The following CORIN variants were observed in gnomAD, a reference collection of about 807,000 sequenced individuals.
CORIN encodes atrial natriuretic peptide-converting enzyme.
CORIN carries 117 observed loss-of-function variants against 125.3 expected under a neutral mutation model. That is an observed-to-expected ratio of 0.93 (90% CI 0.80 to 1.09). CORIN has a LOEUF of 1.09. Among genes scored for constraint, CORIN ranks in the 50% least tolerant of loss-of-function variants. CORIN has a pLI of 0.00. For missense variants in CORIN, 1,253 were observed against 1,306.7 expected (o/e 0.96, Z 0.63); for synonymous variants, 450 against 466.4 (o/e 0.96, Z 0.45).
chr4:47,652,494 A>T (rs1176232241), intron 13 of CORIN, among the ~76,000 whole-genome samples: 2 of 152,240 alleles, frequency 1.3e-5, no homozygotes, highest in African/African-American at 4.8e-5. Flanking sequence ...CTAAATAATC[A>T]TAACCAAACA....
intron 5 of CORIN, among the ~76,000 whole-genome samples, chr4:47,694,424 T>A (rs1725895993): frequency 6.6e-6 from 1 of 151,988 alleles, no homozygotes; most frequent in African/African-American, 2.4e-5. Flanking sequence ...CCTTCAAAAA[T>A]CTCCTTCTGT....
chr4:47,683,509 CT>C (rs1560504158), intron 7 of CORIN: 4 of 412,510 alleles, frequency 9.7e-6, no homozygotes, highest in Admixed American at 8.4e-5. Flanking sequence ...TCCCATCCCA[CT>C]TCTTAAACAT....
chr4:47,654,886 G>A (rs1378914853), intron 12 of CORIN, among the ~76,000 whole-genome samples: 8 of 149,452 alleles, frequency 5.4e-5, no homozygotes, highest in Non-Finnish European at 1.2e-4. Flanking sequence ...GGCAGGCACA[G>A]CTCACAGCTC....
rs1279808554 is a variant in CORIN, at chr4:47,630,355, A to G, written c.2199-3834T>C. On this transcript the variant is annotated intron_variant, in intron 16 of 21. Transcript: ENST00000273857. The stretch of plus-strand genomic sequence containing the variant: ...TTACGTAAAAGGTGGCTGGAACTTA[A>G]GAGCTGCTCAAATTTTGTTTGATGA... 2.6e-5 allele frequency among the ~76,000 whole-genome samples: 4 copies of G among 152,366 alleles called. No individual in the cohort carries two copies. The East Asian group carries it at 7.7e-4, about 29-fold the overall frequency.
At position 47,773,663 on chromosome 4, in the gene CORIN, T is replaced by C. The variant is rs368961494; in HGVS notation, c.410-10077A>G. ...GAATAAGATCGTAAGGAAAGGCATG[T>C]TCTACATACTCAAAAGGAAACATTT... On this transcript the variant is annotated intron_variant, in intron 3 of 21. Transcript: ENST00000273857. Among the ~76,000 whole-genome samples the C allele has an allele frequency of 1.1e-4, 16 of 152,268 alleles. 1 individual carries two copies. Among genetic ancestry groups the C allele is most frequent in the African/African-American group, 3.4e-4 (14 of 41,584 alleles).
chr4:47,833,399 A>C (rs774040450), intron 1 of CORIN, among the ~76,000 whole-genome samples: 4 of 152,174 alleles, frequency 2.6e-5, no homozygotes, highest in African/African-American at 4.8e-5. Flanking sequence ...AAATCAAGTT[A>C]AAATGGATTA....
chr4:47,627,285 A>C (rs1169774471), intron 16 of CORIN, among the ~76,000 whole-genome samples: 1 of 152,156 alleles, frequency 6.6e-6, no homozygotes, highest in Non-Finnish European at 1.5e-5. Flanking sequence ...ACCTGGCCTC[A>C]TCTGATTATT....
intron 1 of CORIN, among the ~76,000 whole-genome samples, chr4:47,829,566 G>T (rs1299433812): frequency 1.3e-5 from 2 of 152,226 alleles, no homozygotes; most frequent in East Asian, 3.8e-4. Flanking sequence ...AGTCAGAAGT[G>T]CAGGTGGCCC....
At chr4:47,724,126 G>A (rs561175007) in intron 5 of CORIN, among the ~76,000 whole-genome samples, 2 of 152,116 alleles carry the variant, frequency 1.3e-5, no homozygotes, top group African/African-American at 2.4e-5. Context: ...TAAAGCAGCT[G>A]TAATAACCAT....
At chr4:47,648,827 C>A (rs990386307) in intron 13 of CORIN, among the ~76,000 whole-genome samples, 2 of 152,182 alleles carry the variant, frequency 1.3e-5, no homozygotes, top group African/African-American at 4.8e-5. Context: ...ATCCAGCCAT[C>A]CTGGACCAGT....
chr4:47,616,090 A>T (rs1722058171), intron 19 of CORIN, among the ~76,000 whole-genome samples: 1 of 152,192 alleles, frequency 6.6e-6, no homozygotes, highest in East Asian at 1.9e-4. Flanking sequence ...TAGGTCACAT[A>T]AAGTAAGATG....
At chr4:47,643,111 G>C (rs1385236864) in intron 15 of CORIN, 35 bp downstream of exon 15, 1 of 1,613,942 alleles carries the variant, frequency 6.2e-7, no homozygotes, top group South Asian at 1.1e-5. Context: ...ACAGGCATGA[G>C]AGAGTACAAC....
intron 5 of CORIN, among the ~76,000 whole-genome samples, chr4:47,705,675 T>C (rs1236505144): frequency 6.6e-6 from 1 of 152,174 alleles, no homozygotes; most frequent in East Asian, 1.9e-4. Flanking sequence ...ATAGTCAAAA[T>C]GAAAAATACG....
chr4:47,606,375 C>G (rs1022591302), intron 19 of CORIN, among the ~76,000 whole-genome samples: 3 of 152,128 alleles, frequency 2.0e-5, no homozygotes, highest in Non-Finnish European at 4.4e-5. Context: ...GCCTCAGCCC[C>G]CCACCAAGTA....
At chr4:47,736,581 A>C (rs1728145937) in intron 5 of CORIN, among the ~76,000 whole-genome samples, 1 of 152,186 alleles carries the variant, frequency 6.6e-6, no homozygotes, top group African/African-American at 2.4e-5. Context: ...CAGATCACTC[A>C]CTTATTAAGC....
Position 47,794,367 on chromosome 4 carries a change from G to A in CORIN, c.209-7442C>T, listed in dbSNP as rs567197589. 9.3e-4 allele frequency among the ~76,000 whole-genome samples: 141 copies of A among 152,012 alleles called. 2 individuals are homozygous for A. Among genetic ancestry groups the A allele is most frequent in the Middle Eastern group, 3.4e-3 (1 of 294 alleles). ...ATTTCTGAAGAGAAATATTTTTATC[G>A]AATTCAAGAAAAATGAATGGTTTAT... On this transcript the variant is annotated intron_variant, in intron 2 of 21. Transcript: ENST00000273857.
chr4:47,680,041 G>C, intron 8 of CORIN, 100 bp downstream of exon 8: 1 of 695,502 alleles, frequency 1.4e-6, no homozygotes, highest in Non-Finnish European at 2.5e-6. Context: ...TTGGAATGCT[G>C]TGTATATAGT....
intron 3 of CORIN, among the ~76,000 whole-genome samples, chr4:47,781,305 T>C (rs1434962233): frequency 6.6e-6 from 1 of 152,238 alleles, no homozygotes; most frequent in African/African-American, 2.4e-5. Context: ...GTTTGACTTT[T>C]ATAATTTTTC....
intron 2 of CORIN, among the ~76,000 whole-genome samples, chr4:47,799,583 T>G (rs1731449826): frequency 6.6e-6 from 1 of 152,216 alleles, no homozygotes; most frequent in Non-Finnish European, 1.5e-5. Context: ...TCTGTTCATG[T>G]ATTTTGCCCA....
Sources: allele counts gnomAD v4.1 joint callset (sites outside exome capture counted in the v4.1 genomes callset), GRCh38; gene constraint gnomAD v4.1.1; transcripts MANE v1.5; gene names NCBI Gene and HGNC (gene_info 2026-07-23, HGNC 2026-07-21).